Variants in TM4SF5 observed in about 807,000 individuals in gnomAD.
The protein encoded by TM4SF5 is transmembrane 4 L six family member 5, also known as transmembrane 4 L6 family member 5.
In TM4SF5, 16 loss-of-function variants were observed where a neutral mutation model predicts 22.3. The observed-to-expected ratio is 0.72, with a 90% confidence interval of 0.49 to 1.09. The LOEUF (loss-of-function observed/expected upper bound fraction) is 1.09, where lower values mean the gene tolerates loss of function less well. Among genes scored for constraint, TM4SF5 ranks in the 50% least tolerant of loss-of-function variants. The pLI is 0.00. For missense variants in TM4SF5, 249 were observed against 266.1 expected, an observed-to-expected ratio of 0.94 and a Z score of 0.45; for synonymous variants, 113 against 109.6, an observed-to-expected ratio of 1.03 and a Z score of -0.19.
At chr17:4,779,512 G>A (rs1003486947) in intron 1 of TM4SF5, among the ~76,000 whole-genome samples, 1 of 152,062 alleles carries the variant, frequency 6.6e-6, no homozygotes, top group African/African-American at 2.4e-5. Flanking sequence ...AGCTATGAGA[G>A]TGTAATAGGG....
In TM4SF5 at chr17:4,783,134, C is replaced by G; in HGVS notation, c.*6C>G. 6.2e-7 allele frequency: 1 copy of G among 1,613,662 alleles called. No individual in the cohort carries two copies. The highest frequency in any genetic ancestry group is 8.5e-7 in the Non-Finnish European group (1 of 1,179,860). On this transcript the variant is annotated 3_prime_UTR_variant, in exon 5 of 5. Transcript: ENST00000270560. ...CGCAGGACACACCTCACTGAGGCTC[C>G]ACTGACCGCCGGGTTACACCTGCTC...
chr17:4,779,220 A>G (rs2150647051), intron 1 of TM4SF5, among the ~76,000 whole-genome samples: 1 of 152,274 alleles, frequency 6.6e-6, no homozygotes, highest in East Asian at 1.9e-4. Flanking sequence ...GGAGGAGCCC[A>G]GGAGTTCAAG....
At position 4,772,221 on chromosome 17, in the gene TM4SF5, G is replaced by A. The variant is rs138311622; in HGVS notation, c.177+122G>A. The A allele has an allele frequency of 1.9e-3, 2,349 of 1,237,336 alleles. 57 individuals carry two copies. The East Asian group carries it at 0.046, about 24-fold the overall frequency. 76.6% of individuals were successfully genotyped at this position (1,237,336 alleles called of 1,614,324 possible). On this transcript the variant is annotated intron_variant, in intron 1 of 4. Coordinates refer to ENST00000270560, the MANE Select transcript of TM4SF5 (RefSeq NM_003963.3). ...CTTGGGAGAGGATGGCAATGGCTTC[G>A]TGGGGGCTAGCAGCCCTCTGGAGTC... is the stretch of plus-strand genomic sequence containing the variant.
At chr17:4,779,878 A>G (rs1464743808) in intron 1 of TM4SF5, among the ~76,000 whole-genome samples, 2 of 152,150 alleles carry the variant, frequency 1.3e-5, no homozygotes, top group East Asian at 3.9e-4. Flanking sequence ...TAGGAAAGCC[A>G]CAGGGAGAAA....
chr17:4,772,354 G>C (rs1234788655), intron 1 of TM4SF5, among the ~76,000 whole-genome samples: 1 of 152,160 alleles, frequency 6.6e-6, no homozygotes, highest in Non-Finnish European at 1.5e-5. Context: ...AGCATGTCCT[G>C]CCTGTCCTCC....
chr17:4,780,759 C>T (rs368116378), intron 1 of TM4SF5, 30 bp from the exon 2 acceptor site: 299 of 1,582,112 alleles, frequency 1.9e-4, no homozygotes, highest in Middle Eastern at 3.3e-4. Context: ...TCTGGGGGGA[C>T]GTGCTATAAC....
Position 4,782,503 on chromosome 17 carries a change from A to T in TM4SF5, c.259A>T (p.Met87Leu). The T allele has an allele frequency of 6.2e-7, 1 of 1,613,494 alleles. No homozygotes were observed. Among genetic ancestry groups the T allele is most frequent in the Non-Finnish European group, 8.5e-7 (1 of 1,179,956 alleles). ...ACCTCCCCTTCCACACCACATCCAGATGCTGCGCTCGGTCTTCTCCTCGGC... is the reference window on the plus strand; with the variant it reads ...ACCTCCCCTTCCACACCACATCCAGTTGCTGCGCTCGGTCTTCTCCTCGGC... ...GAGCCGNRCR[M>L]LRSVFSSAFG... is the part of the protein sequence containing the mutation. The change falls in exon 3 of 5, where the codon ATG (methionine) becomes TTG (leucine). Residue 87 changes from methionine (M) to leucine (L), a missense_variant and splice_region_variant. Physicochemically the swap from Met to Leu is conservative, Grantham distance 15. Transcript: ENST00000270560.
At chr17:4,776,600 C>A (rs1192828980) in intron 1 of TM4SF5, among the ~76,000 whole-genome samples, 1 of 152,208 alleles carries the variant, frequency 6.6e-6, no homozygotes, top group African/African-American at 2.4e-5. Context: ...CTGTGCCCGG[C>A]CCATTCTACT....
chr17:4,774,581 G>A (rs1202694010), intron 1 of TM4SF5, among the ~76,000 whole-genome samples: 1 of 152,010 alleles, frequency 6.6e-6, no homozygotes, highest in Non-Finnish European at 1.5e-5. Flanking sequence ...ATTGAATGAA[G>A]TATAGAACTA....
In TM4SF5 at chr17:4,780,863, C is replaced by G. The variant is rs200811492; in HGVS notation, c.252C>G (p.Arg84=). 7 of 1,612,050 alleles carry G rather than the reference C, an allele frequency of 4.3e-6. No individual in the cohort carries two copies. The East Asian group carries it at 1.6e-4, about 36-fold the overall frequency. Residue 84 remains arginine, a synonymous_variant, in exon 2 of 5, where the codon CGC becomes CGG. Transcript: ENST00000270560. ...GCCGAGCCGN[R]CRMLRSVFSS... ...GTGGTGCTGGGTGCTGTGGAAACCG[C>G]TGCAGGGTAAGATCCAGATTAAGAA...
chr17:4,776,191 A>C (rs1373865283), intron 1 of TM4SF5, among the ~76,000 whole-genome samples: 1 of 152,078 alleles, frequency 6.6e-6, no homozygotes, highest in African/African-American at 2.4e-5. Context: ...TGTGAGAGCC[A>C]CCCATATTAT....
In TM4SF5 at chr17:4,780,765, A is replaced by G. The variant is rs1233056668; in HGVS notation, c.178-24A>G. 4 of 1,597,438 alleles carry G rather than the reference A, an allele frequency of 2.5e-6. No homozygotes were observed. The South Asian group carries it at 3.4e-5, about 14-fold the overall frequency. On this transcript the variant is annotated intron_variant, in intron 1 of 4. Transcript: ENST00000270560. Reference sequence around the variant, plus strand: ...CCTGGAGGATCTGGGGGGACGTGCTATAACAATGACTCTTGTCCCACAGGT... The same window carrying G: ...CCTGGAGGATCTGGGGGGACGTGCTGTAACAATGACTCTTGTCCCACAGGT...
intron 1 of TM4SF5, among the ~76,000 whole-genome samples, chr17:4,773,900 T>C (rs1368837423): frequency 1.3e-5 from 2 of 152,122 alleles, no homozygotes; most frequent in Non-Finnish European, 1.5e-5. Flanking sequence ...TCCCTCCACC[T>C]CTGTGCCCAG....
chr17:4,780,550 A>C (rs1163105058), intron 1 of TM4SF5, among the ~76,000 whole-genome samples: 2 of 152,104 alleles, frequency 1.3e-5, no homozygotes, highest in Admixed American at 6.6e-5. Flanking sequence ...ATTGGGGAAA[A>C]TAATGATATT....
At chr17:4,777,027 G>A (rs922882047) in intron 1 of TM4SF5, among the ~76,000 whole-genome samples, 13 of 151,836 alleles carry the variant, frequency 8.6e-5, no homozygotes, top group African/African-American at 2.2e-4. Flanking sequence ...GCGAAACCCC[G>A]TCTCTACTAA....
chr17:4,782,441 T>A, intron 2 of TM4SF5, 62 bp from the exon 3 acceptor site: 1 of 1,597,576 alleles, frequency 6.3e-7, no homozygotes, highest in Non-Finnish European at 8.6e-7. Flanking sequence ...GGGCTGGCGC[T>A]GAGCGTCGTC....
At chr17:4,781,249 G>A (rs925931616) in intron 2 of TM4SF5, among the ~76,000 whole-genome samples, 3 of 151,698 alleles carry the variant, frequency 2.0e-5, no homozygotes, top group Non-Finnish European at 4.4e-5. Flanking sequence ...AAAATCACTT[G>A]AACCCTGGAG....
At chr17:4,779,718 T>C (rs536248267) in intron 1 of TM4SF5, among the ~76,000 whole-genome samples, 1 of 152,218 alleles carries the variant, frequency 6.6e-6, no homozygotes, top group South Asian at 2.1e-4. Flanking sequence ...GGGAGATGAA[T>C]TTGAGGAATA....
chr17:4,779,348 G>A (rs546580706), intron 1 of TM4SF5, among the ~76,000 whole-genome samples: 1 of 152,246 alleles, frequency 6.6e-6, no homozygotes, highest in Admixed American at 6.5e-5. Flanking sequence ...AGGATCACTT[G>A]AGCCCAGGAG....
Sources: allele counts gnomAD v4.1 joint callset (sites outside exome capture counted in the v4.1 genomes callset), GRCh38; gene constraint gnomAD v4.1.1; transcripts MANE v1.5; gene names NCBI Gene and HGNC (gene_info 2026-07-23, HGNC 2026-07-21).